MYH16: variants seen among roughly 807,000 people sequenced by gnomAD.
MYH16 encodes myosin heavy chain 16.
At chr7:99,245,609 C>T (rs183429777) in intron 2 of MYH16, among the ~76,000 whole-genome samples, 198 of 152,302 alleles carry the variant, frequency 1.3e-3, no homozygotes, top group East Asian at 2.7e-3. Context: ...CTCATTGCAA[C>T]CTCCGCTTCC....
chr7:99,306,121 CA>C (rs1207736573), intron 41 of MYH16, 85 bp downstream of exon 22: 1 of 152,442 alleles, frequency 6.6e-6, no homozygotes, highest in African/African-American at 2.4e-5. Context: ...GAATTAACCA[CA>C]GGGAAAGAAG....
chr7:99,274,986 T>C (rs1048001701), intron 20 of MYH16, among the ~76,000 whole-genome samples: 1 of 151,722 alleles, frequency 6.6e-6, no homozygotes, highest in Non-Finnish European at 1.5e-5. Flanking sequence ...CTCGCTTTTT[T>C]ATTTTGGAAA....
chr7:99,268,391 C>T (rs1012461170), intron 18 of MYH16, among the ~76,000 whole-genome samples: 5 of 152,318 alleles, frequency 3.3e-5, no homozygotes, highest in Non-Finnish European at 7.3e-5. Context: ...CTTCACAGAA[C>T]GAAGCGGGAC....
intron 18 of MYH16, among the ~76,000 whole-genome samples, chr7:99,269,616 T>G (rs1203446825): frequency 3.9e-5 from 6 of 152,180 alleles, no homozygotes. Flanking sequence ...CACATATGCC[T>G]GCAGGTCGTG....
chr7:99,286,272 TG>T (rs1449199321), intron 27 of MYH16, among the ~76,000 whole-genome samples: 1 of 152,142 alleles, frequency 6.6e-6, no homozygotes, highest in African/African-American at 2.4e-5. Flanking sequence ...AAAAATTTGC[TG>T]GGTATGATGG....
chr7:99,260,019 G>T, intron 11 of MYH16: 1 of 568,424 alleles, frequency 1.8e-6, no homozygotes, highest in Non-Finnish European at 3.0e-6. Context: ...GTGCTGAATG[G>T]CCAGTGTTAG....
chr7:99,302,221 T>C (rs1792604060), intron 38 of MYH16, among the ~76,000 whole-genome samples: 1 of 151,082 alleles, frequency 6.6e-6, no homozygotes, highest in African/African-American at 2.4e-5. Flanking sequence ...GGAGAATTGC[T>C]TGAACCCGGG....
At chr7:99,239,122 G>C (rs1208962788) in intron 1 of MYH16, 1 of 152,534 alleles carries the variant, frequency 6.6e-6, no homozygotes, top group African/African-American at 2.4e-5. Context: ...AGAAGGCAGG[G>C]TGGCAGAAAG....
intron 20 of MYH16, among the ~76,000 whole-genome samples, chr7:99,275,924 C>T (rs1388312834): frequency 6.6e-6 from 1 of 152,110 alleles, no homozygotes; most frequent in African/African-American, 2.4e-5. Context: ...GACGGGATTT[C>T]ACCATGTTGG....
chr7:99,269,905 ACT>A (rs1397516080), intron 18 of MYH16, among the ~76,000 whole-genome samples: 1 of 116,322 alleles, frequency 8.6e-6, no homozygotes, highest in Non-Finnish European at 1.7e-5. Context: ...ACGGAGTCTC[ACT>A]CTGTTACCCA....
At chr7:99,276,310 A>G (rs1011155422) in intron 20 of MYH16, among the ~76,000 whole-genome samples, 5 of 152,232 alleles carry the variant, frequency 3.3e-5, no homozygotes, top group African/African-American at 1.2e-4. Context: ...CCCTCCTCCC[A>G]AATCCATGTC....
rs1344254375 is a variant in MYH16, at chr7:99,287,873, T to C, written n.3461-19T>C. On this transcript the variant is annotated intron_variant and non_coding_transcript_variant, in intron 28 of 41. Coordinates refer to ENST00000439784, the Ensembl canonical transcript of MYH16. The stretch of plus-strand genomic sequence containing the variant: ...CTGGCACTGGCCAGTTCTGCTAAGC[T>C]GCTCCTCCTCTACCCCAGATCGAGC... 6.6e-6 allele frequency: 3 copies of C among 452,032 alleles called. No homozygotes were observed. Among genetic ancestry groups the C allele is most frequent in the Non-Finnish European group, 1.3e-5 (3 of 224,620 alleles). The allele number at this position is 452,032 out of a possible 1,614,324, so 28.0% of individuals were successfully genotyped here.
exon 33 of MYH16, chr7:99,294,104 A>G (rs1444048240): frequency 2.2e-6 from 1 of 456,384 alleles, no homozygotes; most frequent in South Asian, 1.6e-5. Flanking sequence ...AAAAATAAGC[A>G]GAGACTCCAG....
chr7:99,297,603 C>G, intron 34 of MYH16, 57 bp from the exon 16 acceptor site: 4 of 426,712 alleles, frequency 9.4e-6, no homozygotes, highest in South Asian at 6.7e-5. Flanking sequence ...AATGACGGTG[C>G]CACCTGCCAT....
chr7:99,288,869 C>CT (rs1792325894), intron 29 of MYH16, among the ~76,000 whole-genome samples: 3 of 151,944 alleles, frequency 2.0e-5, no homozygotes, highest in Non-Finnish European at 2.9e-5. Context: ...AATCCCAGCA[C>CT]TTTGAGAGGC....
rs1409702085 is a variant in MYH16, at chr7:99,280,544, G to A, written n.2888-332G>A. 7.9e-5 allele frequency among the ~76,000 whole-genome samples: 12 copies of A among 152,326 alleles called. No homozygotes were observed. The East Asian group carries it at 2.3e-3, about 29-fold the overall frequency. The stretch of plus-strand genomic sequence containing the variant: ...GGGTTCTCGAGCAGGGTAAGCAGGG[G>A]CTCTGCCTAAACTTGCGCTTCTCCT... On this transcript the variant is annotated intron_variant and non_coding_transcript_variant, in intron 22 of 41. Coordinates refer to ENST00000439784, the Ensembl canonical transcript of MYH16.
chr7:99,272,836 A>G lies in MYH16; in HGVS notation n.2404-506A>G, dbSNP rs1018530394. Reference sequence around the variant, plus strand: ...GAATTAGTAATGAATTCCTGTTCCCATCAGCAGGCCACCTGCAGCCCTGGA... The same window carrying G: ...GAATTAGTAATGAATTCCTGTTCCCGTCAGCAGGCCACCTGCAGCCCTGGA... On this transcript the variant is annotated intron_variant and non_coding_transcript_variant, in intron 19 of 41. Coordinates refer to ENST00000439784, the Ensembl canonical transcript of MYH16. Among the ~76,000 whole-genome samples, 3 of 152,064 alleles carry G rather than the reference A, an allele frequency of 2.0e-5. No individual in the cohort carries two copies. Among genetic ancestry groups the G allele is most frequent in the African/African-American group, 7.2e-5 (3 of 41,414 alleles).
At chr7:99,291,357 G>A in exon 31 of MYH16, 1 of 456,728 alleles carries the variant, frequency 2.2e-6, no homozygotes, top group South Asian at 1.5e-5. Context: ...AATATGAAGA[G>A]TCCCAGAGCC....
intron 2 of MYH16, among the ~76,000 whole-genome samples, chr7:99,246,323 T>G (rs984678127): frequency 6.6e-6 from 1 of 151,824 alleles, no homozygotes; most frequent in African/African-American, 2.4e-5. Context: ...ACAGTGAAGA[T>G]TCCACAGCTT....
Sources: allele counts gnomAD v4.1 joint callset (sites outside exome capture counted in the v4.1 genomes callset), GRCh38; gene constraint gnomAD v4.1.1; transcripts MANE v1.5; gene names NCBI Gene and HGNC (gene_info 2026-07-23, HGNC 2026-07-21).